The following ST6GALNAC3 variants were observed in gnomAD, a reference collection of about 807,000 sequenced individuals.
The protein encoded by ST6GALNAC3 is alpha-N-acetylgalactosaminide alpha-2,6-sialyltransferase 3.
A neutral mutation model predicts 32.7 loss-of-function variants in ST6GALNAC3; 25 were observed. The observed-to-expected ratio is 0.76, with a 90% CI of 0.56 to 1.07. The LOEUF is 1.07. ST6GALNAC3 is among the 50% of genes least tolerant of loss of function. The pLI is 0.00. For missense variants in ST6GALNAC3, 355 were observed against 382.4 expected, an observed-to-expected ratio of 0.93 and a Z score of 0.60; for synonymous variants, 129 against 133.1, an observed-to-expected ratio of 0.97 and a Z score of 0.21.
intron 1 of ST6GALNAC3, among the ~76,000 whole-genome samples, chr1:76,084,450 TG>T (rs1646938622): frequency 6.6e-6 from 1 of 152,184 alleles, no homozygotes; most frequent in Admixed American, 6.5e-5. Context: ...TGTGGTAGTG[TG>T]AACTCCTGGA....
intron 1 of ST6GALNAC3, among the ~76,000 whole-genome samples, chr1:76,262,139 G>A (rs912419227): frequency 6.6e-6 from 1 of 152,144 alleles, no homozygotes; most frequent in African/African-American, 2.4e-5. Context: ...AGCACTTACT[G>A]TGTCCCAGAA....
At chr1:76,367,279 G>A (rs1484943925) in intron 2 of ST6GALNAC3, among the ~76,000 whole-genome samples, 1 of 152,018 alleles carries the variant, frequency 6.6e-6, no homozygotes, top group Non-Finnish European at 1.5e-5. Context: ...ACCCTCAGAT[G>A]TCTCAGGCAT....
intron 1 of ST6GALNAC3, among the ~76,000 whole-genome samples, chr1:76,166,134 T>C (rs575816935): frequency 1.3e-5 from 2 of 152,172 alleles, no homozygotes; most frequent in Non-Finnish European, 2.9e-5. Flanking sequence ...TTTTCTAGTT[T>C]TGGGTTTTAC....
intron 3 of ST6GALNAC3, among the ~76,000 whole-genome samples, chr1:76,496,510 A>G (rs1400652292): frequency 1.3e-5 from 2 of 152,144 alleles, no homozygotes; most frequent in Non-Finnish European, 2.9e-5. Context: ...ATGACTTCCC[A>G]AGAACTTGTA....
At chr1:76,431,536 C>G (rs1253910982) in intron 3 of ST6GALNAC3, among the ~76,000 whole-genome samples, 2 of 152,104 alleles carry the variant, frequency 1.3e-5, no homozygotes, top group Non-Finnish European at 2.9e-5. Context: ...CTTTCTGTCT[C>G]TCTCATACAC....
chr1:76,609,849 G>A (rs1047125902), intron 3 of ST6GALNAC3, among the ~76,000 whole-genome samples: 2 of 152,082 alleles, frequency 1.3e-5, no homozygotes, highest in Non-Finnish European at 2.9e-5. Context: ...CACTTGAGAA[G>A]TGTTATATTA....
chr1:76,631,712 C>G lies in ST6GALNAC3; in HGVS notation c.*2906C>G, dbSNP rs1649308460. On this transcript the variant is annotated 3_prime_UTR_variant, in exon 5 of 5. Transcript: ENST00000328299. Reference sequence around the variant, plus strand: ...TGTGAAAAATAAAAATATTTCAATACTATCCGTGCTTCTTGGAAAATGAAC... The same window carrying G: ...TGTGAAAAATAAAAATATTTCAATAGTATCCGTGCTTCTTGGAAAATGAAC... The G allele has an allele frequency of 6.6e-6, 1 of 151,998 alleles. No individual in the cohort carries two copies. The highest frequency in any genetic ancestry group is 6.6e-5 in the Admixed American group (1 of 15,236). The allele number at this position is 151,998 out of a possible 1,614,324, so 9.4% of individuals were successfully genotyped here.
At chr1:76,576,607 A>C (rs1160169516) in intron 3 of ST6GALNAC3, among the ~76,000 whole-genome samples, 1 of 152,052 alleles carries the variant, frequency 6.6e-6, no homozygotes, top group Non-Finnish European at 1.5e-5. Flanking sequence ...CTTACAAAAG[A>C]GACATCAGTT....
chr1:76,113,326 G>C (rs1423276837), intron 1 of ST6GALNAC3, among the ~76,000 whole-genome samples: 4 of 149,192 alleles, frequency 2.7e-5, no homozygotes, highest in South Asian at 4.3e-4. Context: ...GAGGGAGACC[G>C]TGGGGAGACG....
intron 1 of ST6GALNAC3, among the ~76,000 whole-genome samples, chr1:76,087,596 T>C (rs1403113763): frequency 2.6e-5 from 4 of 152,210 alleles, no homozygotes; most frequent in Non-Finnish European, 5.9e-5. Context: ...GGGCTTTATA[T>C]TTGTGGATTA....
At chr1:76,155,183 C>T (rs1651318529) in intron 1 of ST6GALNAC3, among the ~76,000 whole-genome samples, 1 of 152,022 alleles carries the variant, frequency 6.6e-6, no homozygotes, top group African/African-American at 2.4e-5. Flanking sequence ...GGGTGGTGAC[C>T]AGCACAGTGA....
intron 3 of ST6GALNAC3, among the ~76,000 whole-genome samples, chr1:76,450,497 A>G (rs1367775215): frequency 1.3e-5 from 2 of 151,766 alleles, no homozygotes; most frequent in Non-Finnish European, 2.9e-5. Flanking sequence ...GATTGTGAAG[A>G]TTTTCTCCCA....
chr1:76,192,535 C>T (rs1014029627), intron 1 of ST6GALNAC3, among the ~76,000 whole-genome samples: 4 of 152,146 alleles, frequency 2.6e-5, no homozygotes, highest in South Asian at 2.1e-4. Context: ...AAGGTCTCCT[C>T]GATTGTCTCT....
chr1:76,181,152 G>T (rs995785803), intron 1 of ST6GALNAC3, among the ~76,000 whole-genome samples: 5 of 152,334 alleles, frequency 3.3e-5, no homozygotes, highest in Non-Finnish European at 5.9e-5. Context: ...TTGAGCGATG[G>T]TGGTGACTGA....
chr1:76,419,324 A>G, intron 3 of ST6GALNAC3, among the ~76,000 whole-genome samples: 1 of 152,150 alleles, frequency 6.6e-6, no homozygotes. Context: ...GTAGACATGT[A>G]TGCTCAACAG....
chr1:76,240,128 A>G (rs538421762), intron 1 of ST6GALNAC3, among the ~76,000 whole-genome samples: 15 of 152,334 alleles, frequency 9.8e-5, no homozygotes, highest in African/African-American at 3.6e-4. Flanking sequence ...ATAAGATAAC[A>G]TAGGTATAAT....
intron 1 of ST6GALNAC3, among the ~76,000 whole-genome samples, chr1:76,119,778 T>A (rs1648741822): frequency 6.6e-6 from 1 of 152,222 alleles, no homozygotes; most frequent in South Asian, 2.1e-4. Context: ...CTCCAGGGAT[T>A]GTAATCCCTG....
chr1:76,439,329 C>T (rs1656378563), intron 3 of ST6GALNAC3, among the ~76,000 whole-genome samples: 1 of 152,096 alleles, frequency 6.6e-6, no homozygotes, highest in Non-Finnish European at 1.5e-5. Flanking sequence ...CTAAGCTGTT[C>T]CAAGAGGCTC....
intron 3 of ST6GALNAC3, among the ~76,000 whole-genome samples, chr1:76,452,165 C>G (rs1276967692): frequency 6.6e-6 from 1 of 152,040 alleles, no homozygotes; most frequent in Non-Finnish European, 1.5e-5. Flanking sequence ...GGGGGCAGGT[C>G]TTTTACATGC....
Sources: gnomAD v4.1 joint callset for allele counts (sites outside exome capture counted in the v4.1 genomes callset) on GRCh38, gnomAD v4.1.1 for gene constraint, MANE v1.5 for transcripts, NCBI Gene and HGNC (gene_info 2026-07-23, HGNC 2026-07-21) for gene names.